EYS: variants seen among roughly 807,000 people sequenced by gnomAD.
EYS encodes EGF-like photoreceptor maintenance factor.
Under a neutral mutation model 282.1 loss-of-function variants are expected in EYS, and 250 were observed. The ratio of observed to expected loss-of-function variants is 0.89; its 90% confidence interval spans 0.80 to 0.98. The LOEUF is 0.98. Ranked by LOEUF, EYS falls within the 50% of genes least tolerant of loss-of-function variation. The pLI, the probability that EYS is intolerant of heterozygous loss-of-function variation, is 0.00. For missense variants in EYS, 4,016 were observed against 3,709.0 expected, an observed-to-expected ratio of 1.08 and a Z score of -2.15; for synonymous variants, 1,355 against 1,282.9, an observed-to-expected ratio of 1.06 and a Z score of -1.20.
intron 12 of EYS, among the ~76,000 whole-genome samples, chr6:65,185,281 C>G (rs1765490615): frequency 6.6e-6 from 1 of 151,716 alleles, no homozygotes; most frequent in Non-Finnish European, 1.5e-5. Context: ...CAAACTAGAA[C>G]TTTTTCAATA....
intron 34 of EYS, among the ~76,000 whole-genome samples, chr6:63,987,303 T>C (rs1206377485): frequency 6.6e-6 from 1 of 151,642 alleles, no homozygotes; most frequent in African/African-American, 2.4e-5. Flanking sequence ...AACCCCCCAG[T>C]GTGTGGTGAG....
At chr6:65,603,028 G>A (rs1765664934) in intron 2 of EYS, among the ~76,000 whole-genome samples, 2 of 151,924 alleles carry the variant, frequency 1.3e-5, no homozygotes, top group Non-Finnish European at 2.9e-5. Flanking sequence ...GATAGTAACT[G>A]AGATTCAGAA....
intron 31 of EYS, among the ~76,000 whole-genome samples, chr6:64,190,504 A>G (rs972940701): frequency 4.6e-5 from 7 of 152,202 alleles, no homozygotes; most frequent in African/African-American, 1.7e-4. Context: ...AAACATTGAG[A>G]AAGGCATGGT....
chr6:63,958,230 G>A lies in EYS; in HGVS notation c.7055+26153C>T, dbSNP rs866097470. Reference sequence around the variant, plus strand: ...TTGGAAATAAATTATGAATGGAACAGCTATGGTTCCATACCAATTAAGCTA... The same window carrying A: ...TTGGAAATAAATTATGAATGGAACAACTATGGTTCCATACCAATTAAGCTA... On this transcript the variant is annotated intron_variant, in intron 35 of 42. Transcript: ENST00000503581. 3.5e-4 allele frequency among the ~76,000 whole-genome samples: 49 copies of A among 140,526 alleles called. 2 individuals are homozygous for A. Among genetic ancestry groups the A allele is most frequent in the African/African-American group, 1.2e-3 (48 of 40,912 alleles). The allele number at this position is 140,526 out of a possible 152,430, so 92.2% of individuals were successfully genotyped here. A position where few individuals can be genotyped will look rare whatever the true frequency, so the allele number is the denominator to read the frequency against.
intron 33 of EYS, among the ~76,000 whole-genome samples, chr6:64,059,793 T>C (rs1165996988): frequency 6.6e-6 from 1 of 152,192 alleles, no homozygotes; most frequent in Non-Finnish European, 1.5e-5. Context: ...AGTTTTTATG[T>C]ATGCTATGTA....
intron 13 of EYS, among the ~76,000 whole-genome samples, chr6:65,042,912 T>G (rs1417287584): frequency 2.0e-5 from 3 of 151,452 alleles, no homozygotes; most frequent in Non-Finnish European, 3.0e-5. Context: ...TTGGCTAACA[T>G]TTTAATTTAT....
chr6:64,660,835 GCCATCC>G (rs1281608074), intron 22 of EYS, among the ~76,000 whole-genome samples: 2 of 152,154 alleles, frequency 1.3e-5, no homozygotes, highest in African/African-American at 4.8e-5. Flanking sequence ...TAGATTCAAT[GCCATCC>G]CCATCAAGCT....
chr6:63,726,494 C>A, intron 42 of EYS, 25 bp downstream of exon 42: 1 of 1,538,586 alleles, frequency 6.5e-7, no homozygotes, highest in East Asian at 2.5e-5. Flanking sequence ...ATTCATTCTG[C>A]AAACAAACAG....
At chr6:63,770,756 G>T (rs1319380729) in intron 40 of EYS, among the ~76,000 whole-genome samples, 2 of 152,088 alleles carry the variant, frequency 1.3e-5, no homozygotes, top group African/African-American at 4.8e-5. Flanking sequence ...AAATTTGCTG[G>T]ATTTTAAATG....
At chr6:64,475,907 C>T (rs1776251720) in intron 26 of EYS, among the ~76,000 whole-genome samples, 1 of 152,140 alleles carries the variant, frequency 6.6e-6, no homozygotes, top group Admixed American at 6.5e-5. Flanking sequence ...CCACCTCAGC[C>T]TCCCAAGTAG....
intron 22 of EYS, among the ~76,000 whole-genome samples, chr6:64,756,819 T>A (rs1003403945): frequency 6.6e-6 from 1 of 152,004 alleles, no homozygotes; most frequent in African/African-American, 2.4e-5. Flanking sequence ...AACAGATAAT[T>A]TTAAAATAAC....
intron 2 of EYS, among the ~76,000 whole-genome samples, chr6:65,629,036 C>A (rs1766819603): frequency 6.6e-6 from 1 of 152,152 alleles, no homozygotes; most frequent in Admixed American, 6.5e-5. Context: ...TCAATCAAAA[C>A]TCAGATTCAC....
chr6:65,268,317 G>A (rs1276768822), intron 12 of EYS, among the ~76,000 whole-genome samples: 1 of 151,872 alleles, frequency 6.6e-6, no homozygotes, highest in Non-Finnish European at 1.5e-5. Flanking sequence ...CATGGTTTTG[G>A]TTGTAGATCA....
chr6:64,570,627 G>A (rs189451331), intron 26 of EYS, among the ~76,000 whole-genome samples: 8 of 152,186 alleles, frequency 5.3e-5, no homozygotes, highest in Admixed American at 2.0e-4. Flanking sequence ...AGCAGGGATT[G>A]CAATCCTAAT....
chr6:65,488,599 CT>C (rs1326638039), intron 5 of EYS, among the ~76,000 whole-genome samples: 1 of 152,124 alleles, frequency 6.6e-6, no homozygotes, highest in Non-Finnish European at 1.5e-5. Flanking sequence ...CTACCACTGA[CT>C]TTCTTCACAG....
intron 5 of EYS, among the ~76,000 whole-genome samples, chr6:65,478,561 G>C (rs1765489578): frequency 6.6e-6 from 1 of 152,054 alleles, no homozygotes; most frequent in Non-Finnish European, 1.5e-5. Flanking sequence ...TCTTGACAGT[G>C]CTCCATTTAC....
chr6:65,556,710 A>G (rs931489564), intron 2 of EYS, among the ~76,000 whole-genome samples: 6 of 152,234 alleles, frequency 3.9e-5, no homozygotes, highest in Admixed American at 1.3e-4. Flanking sequence ...AATATCCTCA[A>G]AATTTTCTTG....
chr6:63,783,336 T>C (rs1770283980), intron 39 of EYS, among the ~76,000 whole-genome samples: 1 of 152,160 alleles, frequency 6.6e-6, no homozygotes, highest in Non-Finnish European at 1.5e-5. Context: ...AAGATTTTCA[T>C]AGGCAAGGCC....
At chr6:65,164,192 T>C (rs1359853104) in intron 12 of EYS, among the ~76,000 whole-genome samples, 12 of 151,424 alleles carry the variant, frequency 7.9e-5, no homozygotes, top group African/African-American at 2.2e-4. Context: ...ACTACAATCA[T>C]TTAAATATGT....
Sources: gnomAD v4.1 joint callset for allele counts (sites outside exome capture counted in the v4.1 genomes callset) on GRCh38, gnomAD v4.1.1 for gene constraint, MANE v1.5 for transcripts, NCBI Gene and HGNC (gene_info 2026-07-23, HGNC 2026-07-21) for gene names.